Variants in CCSER1 observed in about 807,000 individuals in gnomAD.
CCSER1 encodes the protein serine-rich coiled-coil domain-containing protein 1.
A neutral mutation model predicts 82.0 loss-of-function variants in CCSER1; 41 were observed. The ratio of observed to expected loss-of-function variants is 0.50; its 90% CI spans 0.39 to 0.65. The LOEUF (loss-of-function observed/expected upper bound fraction) is 0.65, where lower values mean the gene tolerates loss of function less well. Ranked by LOEUF, CCSER1 falls within the 30% of genes least tolerant of loss-of-function variation. The probability of loss-of-function intolerance (pLI) is 0.00; values close to 1 mark genes in which losing one functional copy is unlikely to be tolerated. For synonymous variants in CCSER1, 414 were observed against 383.9 expected (o/e 1.08, Z -0.92); for missense variants, 1,119 against 1,064.2 (o/e 1.05, Z -0.72).
At chr4:90,433,598 G>A (rs1758601805) in intron 4 of CCSER1, among the ~76,000 whole-genome samples, 1 of 152,016 alleles carries the variant, frequency 6.6e-6, no homozygotes, top group South Asian at 2.1e-4. Context: ...CTCACACCGA[G>A]TATACATTAA....
chr4:90,712,903 C>CT (rs199959503), intron 6 of CCSER1, among the ~76,000 whole-genome samples: 104 of 133,510 alleles, frequency 7.8e-4, no homozygotes, highest in Admixed American at 1.4e-3. Flanking sequence ...TCCTTCGTCT[C>CT]TTTTTTTTTT....
chr4:91,161,028 G>C (rs978205915), intron 10 of CCSER1, among the ~76,000 whole-genome samples: 1 of 152,116 alleles, frequency 6.6e-6, no homozygotes, highest in Non-Finnish European at 1.5e-5. Context: ...GGGTTTTTAT[G>C]ATTTTAGGTT....
intron 1 of CCSER1, among the ~76,000 whole-genome samples, chr4:90,156,563 T>C (rs1019730839): frequency 5.9e-5 from 9 of 152,202 alleles, no homozygotes; most frequent in African/African-American, 2.2e-4. Context: ...GCTCCTGTAT[T>C]GGGTGCATAT....
At chr4:91,390,007 T>C (rs1202527614) in intron 10 of CCSER1, among the ~76,000 whole-genome samples, 2 of 152,082 alleles carry the variant, frequency 1.3e-5, no homozygotes, top group Non-Finnish European at 2.9e-5. Flanking sequence ...TGTATCTTCA[T>C]ATATCTGTGA....
chr4:91,445,385 A>C (rs1755485401), intron 10 of CCSER1, among the ~76,000 whole-genome samples: 1 of 146,944 alleles, frequency 6.8e-6, no homozygotes, highest in African/African-American at 2.5e-5. Context: ...AAGAAATAGT[A>C]ATTCCTTTTT....
chr4:91,414,245 C>T lies in CCSER1; in HGVS notation c.2218-184327C>T, dbSNP rs535951594. Among the ~76,000 whole-genome samples the T allele has an allele frequency of 3.3e-5, 5 of 152,182 alleles. No homozygotes were observed. The East Asian group carries it at 9.6e-4, about 29-fold the overall frequency. On this transcript the variant is annotated intron_variant, in intron 10 of 10. Coordinates refer to ENST00000509176, the MANE Select transcript of CCSER1 (RefSeq NM_001145065.2). Reference sequence around the variant, plus strand: ...CTATCACTACAATAATGTATTAATGCTTACACAATATAAAATATGCAAAGT... The same window carrying T: ...CTATCACTACAATAATGTATTAATGTTTACACAATATAAAATATGCAAAGT...
intron 10 of CCSER1, among the ~76,000 whole-genome samples, chr4:91,115,493 A>C (rs915591596): frequency 6.6e-6 from 1 of 151,868 alleles, no homozygotes; most frequent in African/African-American, 2.4e-5. Context: ...TGCCCGGCTA[A>C]TTTTTGTATT....
intron 8 of CCSER1, among the ~76,000 whole-genome samples, chr4:90,876,248 A>C (rs1329547766): frequency 6.6e-6 from 1 of 152,094 alleles, no homozygotes; most frequent in African/African-American, 2.4e-5. Context: ...TAATAATTCC[A>C]CCAAGATTAT....
chr4:90,594,404 T>C (rs1238847070), intron 5 of CCSER1, among the ~76,000 whole-genome samples: 1 of 152,074 alleles, frequency 6.6e-6, no homozygotes, highest in African/African-American at 2.4e-5. Context: ...TATAAATATG[T>C]AGGGAAGAAT....
chr4:91,457,407 C>T (rs935607107), intron 10 of CCSER1, among the ~76,000 whole-genome samples: 1 of 151,976 alleles, frequency 6.6e-6, no homozygotes, highest in Non-Finnish European at 1.5e-5. Context: ...TGGCTCATGC[C>T]TGTACTCCCT....
intron 9 of CCSER1, among the ~76,000 whole-genome samples, chr4:90,978,946 AAAC>A (rs1735855535): frequency 6.6e-6 from 1 of 151,718 alleles, no homozygotes; most frequent in Non-Finnish European, 1.5e-5. Context: ...TGAAAACTAA[AAAC>A]AAGGTAAAGT....
intron 6 of CCSER1, among the ~76,000 whole-genome samples, chr4:90,656,778 T>C (rs946203264): frequency 1.3e-5 from 2 of 152,008 alleles, no homozygotes; most frequent in Admixed American, 6.6e-5. Context: ...TTTCCTCTTA[T>C]TACTTTGTTA....
Position 91,600,165 on chromosome 4 carries a change from A to G in CCSER1, c.*1108A>G, listed in dbSNP as rs1208163992. 1 of 152,154 alleles carries G rather than the reference A, an allele frequency of 6.6e-6. No homozygotes were observed. Among genetic ancestry groups the G allele is most frequent in the Non-Finnish European group, 1.5e-5 (1 of 68,020 alleles). 9.4% of individuals were successfully genotyped at this position (152,154 alleles called of 1,614,324 possible). On this transcript the variant is annotated 3_prime_UTR_variant, in exon 11 of 11. Coordinates refer to ENST00000509176, the MANE Select transcript of CCSER1 (RefSeq NM_001145065.2). ...TCTTAGAAATAAGCTTCTAACAGGA[A>G]TATTTAAAACCCATTTGATGGCAAA...
chr4:90,611,463 G>C (rs1301685067), intron 5 of CCSER1, among the ~76,000 whole-genome samples: 1 of 151,858 alleles, frequency 6.6e-6, no homozygotes, highest in Non-Finnish European at 1.5e-5. Flanking sequence ...TCAAATCTCA[G>C]TTGGTTGCTT....
At chr4:91,548,003 A>T (rs1196688734) in intron 10 of CCSER1, among the ~76,000 whole-genome samples, 1 of 152,088 alleles carries the variant, frequency 6.6e-6, no homozygotes, top group African/African-American at 2.4e-5. Flanking sequence ...GGCTGGTTTC[A>T]AACTCCCGAG....
intron 8 of CCSER1, among the ~76,000 whole-genome samples, chr4:90,849,663 C>A (rs1763609941): frequency 6.6e-6 from 1 of 151,746 alleles, no homozygotes; most frequent in Non-Finnish European, 1.5e-5. Context: ...GTGGCAGGCG[C>A]CTGTAGTCCC....
chr4:91,291,629 A>G lies in CCSER1; in HGVS notation c.2217+205635A>G, dbSNP rs576571871. On this transcript the variant is annotated intron_variant, in intron 10 of 10. Transcript: ENST00000509176. ...TTTAAACAGCCAGATCTCATGAAGA[A>G]CTCGCTTGCTATCACGAGAACAGCA... 2.0e-5 allele frequency among the ~76,000 whole-genome samples: 3 copies of G among 151,898 alleles called. No individual in the cohort carries two copies. The South Asian group carries it at 6.2e-4, about 32-fold the overall frequency.
chr4:90,789,141 C>T (rs1754908242), intron 7 of CCSER1, among the ~76,000 whole-genome samples: 1 of 152,238 alleles, frequency 6.6e-6, no homozygotes, highest in East Asian at 1.9e-4. Context: ...TATTTCTGAA[C>T]TCTCTGTAAT....
intron 7 of CCSER1, among the ~76,000 whole-genome samples, chr4:90,810,832 C>CTTTTTTTT (rs375997127): frequency 2.0e-4 from 23 of 113,608 alleles, no homozygotes; most frequent in African/African-American, 6.6e-4. Context: ...AAGAGTAATT[C>CTTTTTTTT]TTTTTTTTTT....
Sources: allele counts gnomAD v4.1 joint callset (sites outside exome capture counted in the v4.1 genomes callset), GRCh38; gene constraint gnomAD v4.1.1; transcripts MANE v1.5; gene names NCBI Gene and HGNC (gene_info 2026-07-23, HGNC 2026-07-21).